PDE11A: variants seen among roughly 807,000 people sequenced by gnomAD.
PDE11A encodes the protein dual 3',5'-cyclic-AMP and -GMP phosphodiesterase 11A.
Under a neutral mutation model 100.5 loss-of-function variants are expected in PDE11A, and 100 were observed. That is an observed-to-expected ratio of 1.00 (90% CI 0.85 to 1.18). The LOEUF (loss-of-function observed/expected upper bound fraction) is 1.18, where lower values mean the gene tolerates loss of function less well. Ranked by LOEUF, PDE11A falls within the 50% of genes most tolerant of loss-of-function variation. The pLI is 0.00. For missense variants in PDE11A, 1,141 were observed against 1,152.6 expected (o/e 0.99, Z 0.15); for synonymous variants, 381 against 420.8 (o/e 0.91, Z 1.16).
chr2:177,997,623 G>A (rs2086092610), intron 2 of PDE11A: 6 of 1,229,464 alleles, frequency 4.9e-6, no homozygotes, highest in Middle Eastern at 1.9e-4. Context: ...AAACTTGCAG[G>A]CCTCGTGCAA....
At chr2:177,844,265 G>A (rs2083542204) in intron 5 of PDE11A, among the ~76,000 whole-genome samples, 1 of 152,084 alleles carries the variant, frequency 6.6e-6, no homozygotes, top group Admixed American at 6.5e-5. Context: ...TCTTGCTTTA[G>A]TTCAGTGTCT....
chr2:178,077,793 C>T (rs960939693), intron 2 of PDE11A, among the ~76,000 whole-genome samples: 5 of 151,996 alleles, frequency 3.3e-5, no homozygotes, highest in Non-Finnish European at 7.4e-5. Flanking sequence ...AGAGAAGACA[C>T]AGAGACACAC....
chr2:177,811,894 A>C (rs1344700341), intron 9 of PDE11A, among the ~76,000 whole-genome samples: 1 of 152,184 alleles, frequency 6.6e-6, no homozygotes, highest in Non-Finnish European at 1.5e-5. Context: ...GTATCAAAGA[A>C]CTAGGAAACA....
In PDE11A at chr2:177,820,247, T is replaced by C. The variant is rs1327433951; in HGVS notation, c.1549A>G (p.Ile517Val). Residue 517 changes from isoleucine (I) to valine (V), a missense_variant, in exon 7 of 20, where the codon ATT becomes GTT. By Grantham distance (29) the Ile-to-Val change is conservative. Coordinates refer to ENST00000286063, the MANE Select transcript of PDE11A (RefSeq NM_016953.4). ...FHIRSVLCVP[I>V]WNSNHQIIGV... ...ATTATTTGGTGGTTGCTATTCCAAA[T>C]AGGGACACAAAGAACAGATCTTATG... 6.3e-7 allele frequency: 1 copy of C among 1,585,714 alleles called. No individual in the cohort carries two copies. The highest frequency in any genetic ancestry group is 8.7e-7 in the Non-Finnish European group (1 of 1,154,746).
At chr2:177,826,211 G>A (rs2083223763) in intron 6 of PDE11A, among the ~76,000 whole-genome samples, 1 of 152,094 alleles carries the variant, frequency 6.6e-6, no homozygotes, top group Admixed American at 6.5e-5. Flanking sequence ...TGTCCTCATG[G>A]GGCCTTTCCA....
intron 1 of PDE11A, among the ~76,000 whole-genome samples, chr2:178,021,952 AGGCTGATGAGAGGGT>A (rs749389121): frequency 3.3e-5 from 5 of 152,178 alleles, no homozygotes; most frequent in Non-Finnish European, 7.4e-5. Flanking sequence ...AGACAGCTGG[AGGCTGATGAGAGGGT>A]GTCTAGTAAC....
chr2:177,944,578 A>C (rs1258164062), intron 2 of PDE11A, among the ~76,000 whole-genome samples: 1 of 152,218 alleles, frequency 6.6e-6, no homozygotes, highest in Non-Finnish European at 1.5e-5. Context: ...GAAAATGAAC[A>C]GTTTTATTAG....
At chr2:177,655,934 A>T (rs1164989138) in intron 19 of PDE11A, among the ~76,000 whole-genome samples, 1 of 152,232 alleles carries the variant, frequency 6.6e-6, no homozygotes, top group African/African-American at 2.4e-5. Context: ...TATTAAAATA[A>T]CTAGAGGACT....
At chr2:177,977,287 A>G (rs1267939350) in intron 2 of PDE11A, among the ~76,000 whole-genome samples, 3 of 143,582 alleles carry the variant, frequency 2.1e-5, no homozygotes, top group African/African-American at 7.7e-5. Context: ...GCATTCTTAT[A>G]CACCAACAAC....
chr2:177,751,879 C>T (rs1375760046), intron 10 of PDE11A, among the ~76,000 whole-genome samples: 1 of 152,140 alleles, frequency 6.6e-6, no homozygotes, highest in Admixed American at 6.5e-5. Flanking sequence ...CTTATTTAAT[C>T]CTGACACAAC....
intron 1 of PDE11A, among the ~76,000 whole-genome samples, chr2:178,047,345 C>A (rs757345785): frequency 7.2e-5 from 11 of 151,982 alleles, no homozygotes; most frequent in Non-Finnish European, 1.6e-4. Flanking sequence ...TACCTGTAAT[C>A]CCAGTTACTT....
chr2:177,776,058 A>G (rs926934448), intron 9 of PDE11A, among the ~76,000 whole-genome samples: 3 of 152,198 alleles, frequency 2.0e-5, no homozygotes, highest in African/African-American at 4.8e-5. Context: ...TCCATTACCC[A>G]TATGTCTCAC....
intron 19 of PDE11A, among the ~76,000 whole-genome samples, chr2:177,656,258 A>G (rs1471781431): frequency 6.6e-6 from 1 of 152,148 alleles, no homozygotes; most frequent in East Asian, 1.9e-4. Flanking sequence ...TACCTTTTCT[A>G]TATGTTTAGA....
chr2:177,654,127 G>A (rs993559218), intron 19 of PDE11A, among the ~76,000 whole-genome samples: 1 of 152,162 alleles, frequency 6.6e-6, no homozygotes, highest in African/African-American at 2.4e-5. Flanking sequence ...AGGCACCAAA[G>A]TGCTCATTTC....
intron 13 of PDE11A, among the ~76,000 whole-genome samples, chr2:177,708,939 A>T (rs953120840): frequency 6.6e-6 from 1 of 152,246 alleles, no homozygotes; most frequent in Non-Finnish European, 1.5e-5. Context: ...ATTAGGGTGG[A>T]TAGAAACACG....
intron 2 of PDE11A, among the ~76,000 whole-genome samples, chr2:178,082,453 A>G (rs552882340): frequency 1.3e-5 from 2 of 152,188 alleles, no homozygotes; most frequent in Non-Finnish European, 2.9e-5. Flanking sequence ...TTCAACCCTC[A>G]TAAGTGTTGC....
At chr2:177,698,685 C>T (rs1287830547) in intron 14 of PDE11A, 2 of 152,168 alleles carry the variant, frequency 1.3e-5, no homozygotes, top group Non-Finnish European at 2.9e-5. Context: ...GAACCCGCCA[C>T]TCCTTAAAGA....
At chr2:177,844,881 AAGGC>A (rs1294154702) in intron 5 of PDE11A, among the ~76,000 whole-genome samples, 6 of 152,066 alleles carry the variant, frequency 3.9e-5, no homozygotes, top group Non-Finnish European at 8.8e-5. Context: ...ACAGGATCCC[AAGGC>A]AGAAGAAGTT....
intron 15 of PDE11A, among the ~76,000 whole-genome samples, chr2:177,695,633 G>A (rs1190330532): frequency 2.0e-5 from 3 of 152,104 alleles, no homozygotes; most frequent in African/African-American, 7.2e-5. Flanking sequence ...CCCACCCTGT[G>A]CCTCTCCTCA....
Sources: allele counts gnomAD v4.1 joint callset (sites outside exome capture counted in the v4.1 genomes callset), GRCh38; gene constraint gnomAD v4.1.1; transcripts MANE v1.5; gene names NCBI Gene and HGNC (gene_info 2026-07-23, HGNC 2026-07-21).